NR3C2: variants seen among roughly 807,000 people sequenced by gnomAD.
The protein encoded by NR3C2 is mineralocorticoid receptor.
Under a neutral mutation model 86.4 loss-of-function variants are expected in NR3C2, and 15 were observed. That is an observed-to-expected ratio of 0.17 (90% CI 0.12 to 0.27). The LOEUF (loss-of-function observed/expected upper bound fraction) is 0.27. NR3C2 is among the 10% of genes least tolerant of loss of function. The probability of loss-of-function intolerance (pLI) is 1.00; values close to 1 mark genes in which losing one functional copy is unlikely to be tolerated. For missense variants in NR3C2, 960 were observed against 1,195.6 expected (o/e 0.80, Z 2.91); for synonymous variants, 458 against 450.5 (o/e 1.02, Z -0.21).
rs1006358928 is a variant in NR3C2, at chr4:148,395,406, A to G, written c.1757+39698T>C. 1.7e-4 allele frequency among the ~76,000 whole-genome samples: 26 copies of G among 152,170 alleles called. 1 individual carries two copies. The highest frequency in any genetic ancestry group is 2.8e-4 in the Non-Finnish European group (19 of 68,032). Reference sequence around the variant, plus strand: ...GGGTTCTGGAAACATGGCATCAGTTAAAGTTCCCAATAAGGTGGGGATCAC... The same window carrying G: ...GGGTTCTGGAAACATGGCATCAGTTGAAGTTCCCAATAAGGTGGGGATCAC... On this transcript the variant is annotated intron_variant, in intron 2 of 8. Coordinates refer to ENST00000358102, the MANE Select transcript of NR3C2 (RefSeq NM_000901.5).
At chr4:148,235,818 C>T (rs1158333448) in intron 3 of NR3C2, among the ~76,000 whole-genome samples, 1 of 152,180 alleles carries the variant, frequency 6.6e-6, no homozygotes. Context: ...AGAACCATGT[C>T]TATTTTTCTC....
chr4:148,200,253 T>C (rs1736654970), intron 3 of NR3C2, among the ~76,000 whole-genome samples: 1 of 152,196 alleles, frequency 6.6e-6, no homozygotes, highest in East Asian at 1.9e-4. Flanking sequence ...CTTCTGGGTT[T>C]CAGCCCCATG....
chr4:148,142,896 C>G (rs1198582271), intron 6 of NR3C2, among the ~76,000 whole-genome samples: 1 of 152,148 alleles, frequency 6.6e-6, no homozygotes, highest in East Asian at 1.9e-4. Flanking sequence ...GTGGCGCATC[C>G]CCCTCCCCAC....
At chr4:148,328,321 G>A (rs1024897890) in intron 2 of NR3C2, among the ~76,000 whole-genome samples, 10 of 152,172 alleles carry the variant, frequency 6.6e-5, no homozygotes, top group African/African-American at 2.4e-4. Context: ...GGTATGCGTA[G>A]GGGAAAGAAA....
chr4:148,299,412 A>T (rs1039783058), intron 2 of NR3C2, among the ~76,000 whole-genome samples: 3 of 152,054 alleles, frequency 2.0e-5, no homozygotes, highest in African/African-American at 7.2e-5. Context: ...TCCAACCCGG[A>T]CTTTTCTATG....
chr4:148,365,781 T>C lies in NR3C2; in HGVS notation c.1757+69323A>G, dbSNP rs189672986. On this transcript the variant is annotated intron_variant, in intron 2 of 8. Transcript: ENST00000358102. The stretch of plus-strand genomic sequence containing the variant: ...CTTATTAATTTTTTGCCTACATTCA[T>C]AATTAAGGGAAATGATAAATTTCAA... 1.9e-3 allele frequency among the ~76,000 whole-genome samples: 293 copies of C among 152,244 alleles called. 1 individual carries two copies. Among genetic ancestry groups the C allele is most frequent in the Non-Finnish European group, 3.2e-3 (219 of 68,012 alleles).
intron 2 of NR3C2, among the ~76,000 whole-genome samples, chr4:148,275,072 C>A (rs1413762478): frequency 6.6e-6 from 1 of 152,182 alleles, no homozygotes; most frequent in East Asian, 1.9e-4. Context: ...AAGTACACAT[C>A]TAACTTCACT....
At chr4:148,353,906 T>C (rs773176440) in intron 2 of NR3C2, among the ~76,000 whole-genome samples, 2 of 152,208 alleles carry the variant, frequency 1.3e-5, no homozygotes, top group Non-Finnish European at 2.9e-5. Context: ...TAATGGATTC[T>C]ACTTAAAGGC....
chr4:148,433,268 A>G (rs777926617), intron 2 of NR3C2, among the ~76,000 whole-genome samples: 3 of 152,198 alleles, frequency 2.0e-5, no homozygotes, highest in Non-Finnish European at 4.4e-5. Flanking sequence ...TATTTCTACC[A>G]GAAACATCAT....
At position 148,436,236 on chromosome 4, in the gene NR3C2, C is replaced by T. The variant is rs527321379; in HGVS notation, c.625G>A (p.Gly209Arg). The T allele has an allele frequency of 6.2e-7, 1 of 1,614,158 alleles. No individual in the cohort carries two copies. The highest frequency in any genetic ancestry group is 1.3e-5 in the African/African-American group (1 of 75,030). ...NMTSSVCSPA[G>R]INSVSSTTAS... ...GTGGTGGAGGACACAGAGTTGATTC[C>T]AGCAGGGCTGCAAACCGAAGATGTC... Residue 209 changes from glycine (G) to arginine (R), a missense_variant, in exon 2 of 9, where the codon GGA becomes AGA. Physicochemically the swap from Gly to Arg is moderately radical, Grantham distance 125 (BLOSUM62 -2). Coordinates refer to ENST00000358102, the MANE Select transcript of NR3C2 (RefSeq NM_000901.5).
At chr4:148,268,771 T>G (rs1475407731) in intron 2 of NR3C2, among the ~76,000 whole-genome samples, 2 of 152,184 alleles carry the variant, frequency 1.3e-5, no homozygotes, top group East Asian at 3.9e-4. Context: ...TGAGATTAAG[T>G]GTTAATGATT....
chr4:148,408,611 T>C (rs1005326087), intron 2 of NR3C2, among the ~76,000 whole-genome samples: 2 of 152,198 alleles, frequency 1.3e-5, no homozygotes, highest in Non-Finnish European at 2.9e-5. Context: ...CAAAAAATGC[T>C]GAACCACATT....
intron 6 of NR3C2, among the ~76,000 whole-genome samples, chr4:148,122,206 T>A (rs1732538837): frequency 6.6e-6 from 1 of 152,258 alleles, no homozygotes; most frequent in Admixed American, 6.5e-5. Flanking sequence ...TCTTCTTTGG[T>A]GATTTGACTA....
Position 148,364,536 on chromosome 4 carries a change from A to G in NR3C2, c.1757+70568T>C, listed in dbSNP as rs1353391156. 3.3e-5 allele frequency among the ~76,000 whole-genome samples: 5 copies of G among 152,268 alleles called. No individual in the cohort carries two copies. The East Asian group carries it at 9.6e-4, about 29-fold the overall frequency. Reference sequence around the variant, plus strand: ...AAATTGTAGAGTGAATGCAGAATTCATATTAGATGCCTCTTAACAATCCTT... The same window carrying G: ...AAATTGTAGAGTGAATGCAGAATTCGTATTAGATGCCTCTTAACAATCCTT... On this transcript the variant is annotated intron_variant, in intron 2 of 8. Coordinates refer to ENST00000358102, the MANE Select transcript of NR3C2 (RefSeq NM_000901.5).
Position 148,080,138 on chromosome 4 carries a change from C to T in NR3C2, c.*1206G>A, listed in dbSNP as rs557553789. On this transcript the variant is annotated 3_prime_UTR_variant, in exon 9 of 9. Coordinates refer to ENST00000358102, the MANE Select transcript of NR3C2 (RefSeq NM_000901.5). ...AGCACTCCAAGGACCTCCTCTCCCACATGTGTTGTCAAATGACACCTTCCA... is the reference window on the plus strand; with the variant it reads ...AGCACTCCAAGGACCTCCTCTCCCATATGTGTTGTCAAATGACACCTTCCA... 2 of 152,256 alleles carry T rather than the reference C, an allele frequency of 1.3e-5. No homozygotes were observed. Among genetic ancestry groups the T allele is most frequent in the African/African-American group, 4.8e-5 (2 of 41,462 alleles). 9.4% of individuals were successfully genotyped at this position (152,256 alleles called of 1,614,324 possible).
intron 2 of NR3C2, among the ~76,000 whole-genome samples, chr4:148,261,083 T>C (rs1740073773): frequency 1.3e-5 from 2 of 152,198 alleles, no homozygotes; most frequent in Non-Finnish European, 2.9e-5. Flanking sequence ...AAATCCAGTC[T>C]CTGCCCTCAA....
chr4:148,148,250 G>T (rs146316809), intron 6 of NR3C2, among the ~76,000 whole-genome samples: 1 of 152,250 alleles, frequency 6.6e-6, no homozygotes, highest in African/African-American at 2.4e-5. Flanking sequence ...TTCCTAGACA[G>T]CTAATTCTTC....
intron 2 of NR3C2, among the ~76,000 whole-genome samples, chr4:148,262,453 G>A (rs1186252807): frequency 6.6e-6 from 1 of 151,680 alleles, no homozygotes; most frequent in African/African-American, 2.4e-5. Context: ...TCTCCACTTG[G>A]GTGTCTAACA....
chr4:148,157,587 T>C (rs1307601179), intron 4 of NR3C2, among the ~76,000 whole-genome samples: 3 of 151,796 alleles, frequency 2.0e-5, no homozygotes, highest in Non-Finnish European at 4.4e-5. Context: ...GATGGGTAGA[T>C]GGATATATAA....
Sources: allele counts gnomAD v4.1 joint callset (sites outside exome capture counted in the v4.1 genomes callset), GRCh38; gene constraint gnomAD v4.1.1; transcripts MANE v1.5; gene names NCBI Gene and HGNC (gene_info 2026-07-23, HGNC 2026-07-21).